PHACTR3: variants seen among roughly 807,000 people sequenced by gnomAD.
PHACTR3 encodes phosphatase and actin regulator 3, also known as protein phosphatase 1, regulatory subunit 123.
Under a neutral mutation model 66.8 loss-of-function variants are expected in PHACTR3, and 16 were observed. The ratio of observed to expected loss-of-function variants is 0.24; its 90% confidence interval spans 0.16 to 0.36. PHACTR3 has a LOEUF of 0.36. PHACTR3 is among the 10% of genes least tolerant of loss of function. The probability of loss-of-function intolerance (pLI) is 1.00; values close to 1 mark genes in which losing one functional copy is unlikely to be tolerated. For missense variants in PHACTR3, 647 were observed against 719.9 expected (o/e 0.90, Z 1.16); for synonymous variants, 323 against 292.1 (o/e 1.11, Z -1.08).
At chr20:59,827,707 G>T (rs2042234413) in intron 8 of PHACTR3, among the ~76,000 whole-genome samples, 1 of 152,156 alleles carries the variant, frequency 6.6e-6, no homozygotes, top group Admixed American at 6.5e-5. Flanking sequence ...AGGCTCCAGG[G>T]GACATATTTC....
At chr20:59,672,767 C>G (rs57693433) in intron 1 of PHACTR3, among the ~76,000 whole-genome samples, 1 of 152,214 alleles carries the variant, frequency 6.6e-6, no homozygotes, top group Non-Finnish European at 1.5e-5. Context: ...TCCTCATCCA[C>G]GAGTCAGGTT....
chr20:59,716,629 A>C (rs939821817), intron 1 of PHACTR3, among the ~76,000 whole-genome samples: 8 of 152,034 alleles, frequency 5.3e-5, no homozygotes, highest in African/African-American at 1.7e-4. Context: ...GCTAAAGGAG[A>C]TTCTCCAGTC....
chr20:59,824,978 C>G (rs1220219933), intron 8 of PHACTR3, among the ~76,000 whole-genome samples: 1 of 152,232 alleles, frequency 6.6e-6, no homozygotes, highest in East Asian at 1.9e-4. Context: ...CCCAGTTCTA[C>G]TAGTAAGGCA....
chr20:59,687,120 GATA>G (rs200388448), intron 1 of PHACTR3, among the ~76,000 whole-genome samples: 13,836 of 151,776 alleles, frequency 0.091, 883 homozygotes, highest in South Asian at 0.22. Flanking sequence ...TGGTGACGGT[GATA>G]ATGATCATGG....
At position 59,809,004 on chromosome 20, in the gene PHACTR3, A is replaced by G. The variant is rs571667507; in HGVS notation, c.1328+2810A>G. On this transcript the variant is annotated intron_variant, in intron 8 of 12. Transcript: ENST00000371015. Reference sequence around the variant, plus strand: ...CCAACGTCCCCTGAGGTCAGAGACAACAGAACGCTCCCCGGGTGAGAATCC... The same window carrying G: ...CCAACGTCCCCTGAGGTCAGAGACAGCAGAACGCTCCCCGGGTGAGAATCC... 1.6e-3 allele frequency among the ~76,000 whole-genome samples: 237 copies of G among 152,288 alleles called. 1 individual carries two copies. The highest frequency in any genetic ancestry group is 5.6e-3 in the African/African-American group (231 of 41,552).
chr20:59,821,818 T>C (rs1600716543), intron 8 of PHACTR3, among the ~76,000 whole-genome samples: 1 of 151,842 alleles, frequency 6.6e-6, no homozygotes, highest in South Asian at 2.1e-4. Flanking sequence ...CGCCGGGGAA[T>C]TTAAAAATGC....
At chr20:59,716,429 T>C (rs1200233459) in intron 1 of PHACTR3, among the ~76,000 whole-genome samples, 1 of 152,020 alleles carries the variant, frequency 6.6e-6, no homozygotes, top group Non-Finnish European at 1.5e-5. Context: ...ATTTTCATAT[T>C]TTTACTAGAG....
At chr20:59,792,767 A>T (rs1048629186) in intron 7 of PHACTR3, among the ~76,000 whole-genome samples, 1 of 152,140 alleles carries the variant, frequency 6.6e-6, no homozygotes, top group East Asian at 1.9e-4. Context: ...ATTGATTTTT[A>T]TGTTTGAGAG....
chr20:59,746,291 C>A (rs2039368153), intron 2 of PHACTR3, among the ~76,000 whole-genome samples: 1 of 152,184 alleles, frequency 6.6e-6, no homozygotes, highest in South Asian at 2.1e-4. Flanking sequence ...CCCAGTCAGT[C>A]CCCCGCCCCA....
At chr20:59,647,437 G>A (rs1374899136) in intron 1 of PHACTR3, among the ~76,000 whole-genome samples, 2 of 152,124 alleles carry the variant, frequency 1.3e-5, no homozygotes, top group Admixed American at 1.3e-4. Flanking sequence ...GGAGTTTAGG[G>A]TACCAGGTGG....
intron 1 of PHACTR3, among the ~76,000 whole-genome samples, chr20:59,732,502 C>T (rs1367772945): frequency 2.0e-5 from 3 of 152,140 alleles, no homozygotes; most frequent in African/African-American, 7.2e-5. Context: ...GCCAATTATT[C>T]ACTCTGAAGC....
chr20:59,710,656 A>T (rs921416581), intron 1 of PHACTR3, among the ~76,000 whole-genome samples: 2 of 151,364 alleles, frequency 1.3e-5, no homozygotes, highest in Admixed American at 6.7e-5. Context: ...TGCATCAATG[A>T]CTCCCTAAAT....
intron 1 of PHACTR3, among the ~76,000 whole-genome samples, chr20:59,722,462 C>T (rs774975326): frequency 6.6e-5 from 10 of 151,996 alleles, no homozygotes; most frequent in African/African-American, 9.6e-5. Flanking sequence ...GTGCAGTCAG[C>T]GTGGCTGGAA....
chr20:59,643,716 A>C (rs2146430779), intron 1 of PHACTR3, among the ~76,000 whole-genome samples: 1 of 152,252 alleles, frequency 6.6e-6, no homozygotes, highest in Middle Eastern at 3.4e-3. Flanking sequence ...GCTGAGAGGG[A>C]GTGAGGCAGC....
At chr20:59,589,439 A>C (rs1360445103) in intron 1 of PHACTR3, among the ~76,000 whole-genome samples, 1 of 152,186 alleles carries the variant, frequency 6.6e-6, no homozygotes, top group Non-Finnish European at 1.5e-5. Context: ...GATTCTTGGG[A>C]TCATCATTGC....
intron 4 of PHACTR3, among the ~76,000 whole-genome samples, chr20:59,763,778 A>G (rs1406520549): frequency 6.6e-6 from 1 of 152,146 alleles, no homozygotes; most frequent in African/African-American, 2.4e-5. Flanking sequence ...CCTGCCAGAG[A>G]GGCTGAGCAG....
intron 1 of PHACTR3, among the ~76,000 whole-genome samples, chr20:59,700,717 C>T (rs1601136756): frequency 6.6e-6 from 1 of 152,162 alleles, no homozygotes; most frequent in East Asian, 1.9e-4. Context: ...TGAAGTGAAG[C>T]TGAGTGATGA....
chr20:59,589,505 A>G (rs911599745), intron 1 of PHACTR3, among the ~76,000 whole-genome samples: 1 of 152,318 alleles, frequency 6.6e-6, no homozygotes, highest in South Asian at 2.1e-4. Context: ...GCCTAGTGCT[A>G]TGGATTTTCT....
intron 8 of PHACTR3, 89 bp downstream of exon 8, chr20:59,806,283 G>A (rs2041566311): frequency 6.6e-7 from 1 of 1,510,532 alleles, no homozygotes; most frequent in Non-Finnish European, 8.9e-7. Flanking sequence ...GGTGTGCCAG[G>A]CCGGGACGCA....
Sources: allele counts gnomAD v4.1 joint callset (sites outside exome capture counted in the v4.1 genomes callset), GRCh38; gene constraint gnomAD v4.1.1; transcripts MANE v1.5; gene names NCBI Gene and HGNC (gene_info 2026-07-23, HGNC 2026-07-21).